The following STXBP5 variants were observed in gnomAD, a reference collection of about 807,000 sequenced individuals.
STXBP5 encodes the protein syntaxin binding protein 5, also known as syntaxin-binding protein 5.
Under a neutral mutation model 152.4 loss-of-function variants are expected in STXBP5, and 50 were observed. The observed-to-expected ratio is 0.33, with a 90% confidence interval of 0.26 to 0.42. The LOEUF is 0.42. STXBP5 is among the 10% of genes least tolerant of loss of function. The probability of loss-of-function intolerance (pLI) is 1.00; values close to 1 mark genes in which losing one functional copy is unlikely to be tolerated. For synonymous variants in STXBP5, 492 were observed against 494.7 expected, an observed-to-expected ratio of 0.99 and a Z score of 0.07; for missense variants, 1,167 against 1,388.6, an observed-to-expected ratio of 0.84 and a Z score of 2.54.
chr6:147,244,311 T>C (rs1295407643), intron 4 of STXBP5, among the ~76,000 whole-genome samples: 1 of 152,198 alleles, frequency 6.6e-6, no homozygotes, highest in Non-Finnish European at 1.5e-5. Flanking sequence ...TGTAGTTTTG[T>C]AGCAAGTTGA....
intron 16 of STXBP5, among the ~76,000 whole-genome samples, chr6:147,318,132 A>G (rs572826860): frequency 4.3e-4 from 66 of 152,310 alleles, no homozygotes; most frequent in South Asian, 2.3e-3. Context: ...ATCCAGCAGT[A>G]TAAAACATTA....
intron 8 of STXBP5, among the ~76,000 whole-genome samples, chr6:147,281,220 C>G (rs1438193903): frequency 1.3e-5 from 2 of 152,094 alleles, no homozygotes; most frequent in Non-Finnish European, 2.9e-5. Flanking sequence ...CCATGCCCGG[C>G]TAATTTTTTG....
chr6:147,241,381 A>G (rs978746133), intron 4 of STXBP5, among the ~76,000 whole-genome samples: 1 of 152,218 alleles, frequency 6.6e-6, no homozygotes, highest in East Asian at 1.9e-4. Context: ...TCATGTATCT[A>G]CCATTACAGT....
intron 21 of STXBP5, among the ~76,000 whole-genome samples, chr6:147,342,444 G>A (rs1368128460): frequency 6.6e-6 from 1 of 152,158 alleles, no homozygotes; most frequent in Non-Finnish European, 1.5e-5. Flanking sequence ...AATAGTTTTA[G>A]TCTTGTGAGT....
chr6:147,291,258 C>A, intron 9 of STXBP5, 86 bp downstream of exon 9: 2 of 1,097,664 alleles, frequency 1.8e-6, no homozygotes. Context: ...TTTTGAAGGC[C>A]TATTTTAGAA....
chr6:147,220,214 A>G (rs1427207723), intron 2 of STXBP5, among the ~76,000 whole-genome samples: 1 of 151,962 alleles, frequency 6.6e-6, no homozygotes, highest in Non-Finnish European at 1.5e-5. Flanking sequence ...TTTCTAGTTT[A>G]CTTCCATTAT....
rs1785152081 is a variant in STXBP5, at chr6:147,363,397, T to C, written c.2608T>C (p.Leu870=). Residue 870 remains leucine (L), a synonymous_variant, in exon 24 of 28, where the codon TTA becomes CTA. Transcript: ENST00000321680. ...RMAFLDTTGC[L]IPPAYEPWRE... Reference sequence around the variant, plus strand: ...GGCATTTCTGGATACCACAGGCTGCTTAATACCACCTGCGTATGAACCCTG... The same window carrying C: ...GGCATTTCTGGATACCACAGGCTGCCTAATACCACCTGCGTATGAACCCTG... The C allele has an allele frequency of 6.2e-7, 1 of 1,613,858 alleles. No individual in the cohort carries two copies.
chr6:147,307,841 G>A (rs1332711079), intron 9 of STXBP5, among the ~76,000 whole-genome samples: 2 of 152,078 alleles, frequency 1.3e-5, no homozygotes, highest in Non-Finnish European at 2.9e-5. Flanking sequence ...ACAAAGCCAC[G>A]GAAGAAAAAC....
chr6:147,311,490 G>A lies in STXBP5; in HGVS notation c.1108G>A (p.Glu370Lys). The A allele has an allele frequency of 6.2e-7, 1 of 1,612,150 alleles. No homozygotes were observed. Among genetic ancestry groups the A allele is most frequent in the Non-Finnish European group, 8.5e-7 (1 of 1,179,110 alleles). ...QEPYAVVVLL[E>K]KDLVLIDLAQ... ...ACCATATGCTGTGGTTGTTCTTCTA[G>A]AAAAGGATTTAGTACTTATAGACCT... Residue 370 changes from glutamate (E) to lysine (K), a missense_variant, in exon 11 of 28, where the codon GAA (glutamate) becomes AAA (lysine). Around this residue, in one of 3 missense-constraint regions of STXBP5, gnomAD observed 833 missense variants for 986.3 expected, o/e 0.84. Transcript: ENST00000321680.
rs1786409000 is a variant in STXBP5 at position 147,387,750 on chromosome 6, A to AC, written c.*2995_*2996insC. The AC allele has an allele frequency of 1.3e-5, 2 of 151,778 alleles. No individual in the cohort carries two copies. The highest frequency in any genetic ancestry group is 3.0e-5 in the Non-Finnish European group (2 of 67,776). The allele number at this position is 151,778 out of a possible 1,614,324, so 9.4% of individuals were successfully genotyped here. ...ATGTTATTATGTGTAAGTATATTAC[A>AC]ATTTAATTAAGTACAATAGTTTAAA... is the stretch of plus-strand genomic sequence containing the variant. On this transcript the variant is annotated 3_prime_UTR_variant, in exon 28 of 28. Transcript: ENST00000321680.
At position 147,339,510 on chromosome 6, in the gene STXBP5, T is replaced by C. The variant is rs1044285204; in HGVS notation, c.2254+126T>C. 8.8e-6 allele frequency: 6 copies of C among 681,996 alleles called. No individual in the cohort carries two copies. In the African/African-American group the frequency reaches 1.1e-4, roughly 13 times the overall value. 42.2% of individuals were successfully genotyped at this position (681,996 alleles called of 1,614,324 possible). On this transcript the variant is annotated intron_variant, in intron 21 of 27. Transcript: ENST00000321680. ...TTGTTCCTATGCTAAAAAAATAATCTCTTGGGCTGTGTCTCTTCTAAACTC... is the reference window on the plus strand; with the variant it reads ...TTGTTCCTATGCTAAAAAAATAATCCCTTGGGCTGTGTCTCTTCTAAACTC...
At chr6:147,373,106 C>T (rs1443195326) in intron 25 of STXBP5, among the ~76,000 whole-genome samples, 2 of 152,074 alleles carry the variant, frequency 1.3e-5, no homozygotes, top group Non-Finnish European at 2.9e-5. Context: ...CATGGTGGCT[C>T]ATGCCTGTAC....
At chr6:147,366,248 C>T (rs1385193724) in intron 25 of STXBP5, among the ~76,000 whole-genome samples, 5 of 152,170 alleles carry the variant, frequency 3.3e-5, no homozygotes, top group Admixed American at 1.3e-4. Context: ...ACTAAGCTTT[C>T]AGAGCAGAAA....
intron 4 of STXBP5, among the ~76,000 whole-genome samples, chr6:147,251,473 C>T (rs761735078): frequency 1.3e-5 from 2 of 152,148 alleles, no homozygotes; most frequent in Non-Finnish European, 2.9e-5. Context: ...GGGCTGAAGC[C>T]AGGGAGCCAA....
chr6:147,299,940 G>T (rs1781722507), intron 9 of STXBP5, among the ~76,000 whole-genome samples: 1 of 151,984 alleles, frequency 6.6e-6, no homozygotes, highest in Non-Finnish European at 1.5e-5. Flanking sequence ...CTGAAAAACT[G>T]TTAAGACTAA....
At chr6:147,369,690 A>G (rs981915545) in intron 25 of STXBP5, among the ~76,000 whole-genome samples, 1 of 152,028 alleles carries the variant, frequency 6.6e-6, no homozygotes, top group African/African-American at 2.4e-5. Flanking sequence ...GATTCTCAAC[A>G]TTATTTATCA....
intron 6 of STXBP5, 61 bp from the exon 7 acceptor site, chr6:147,267,023 C>A: frequency 2.9e-6 from 4 of 1,356,256 alleles, no homozygotes; most frequent in Non-Finnish European, 4.2e-6. Context: ...TCATTGTCAG[C>A]AAATAAATGT....
intron 16 of STXBP5, among the ~76,000 whole-genome samples, chr6:147,320,748 A>AT (rs1782896084): frequency 6.6e-6 from 1 of 152,118 alleles, no homozygotes. Flanking sequence ...TTAAGTATTG[A>AT]TTTTTAAAAC....
chr6:147,280,739 A>G lies in STXBP5; in HGVS notation c.838+2535A>G, dbSNP rs73584537. 4.1e-3 allele frequency among the ~76,000 whole-genome samples: 622 copies of G among 152,272 alleles called. 4 individuals carry two copies. The highest frequency in any genetic ancestry group is 0.014 in the African/African-American group (593 of 41,562). On this transcript the variant is annotated intron_variant, in intron 8 of 27. Transcript: ENST00000321680. ...GTATAAATCAGTTTCTACAGTGTTT[A>G]TATTGTCTTAGCAGAAAAGGGTCAC...
Sources: gnomAD v4.1 joint callset for allele counts (sites outside exome capture counted in the v4.1 genomes callset) on GRCh38, gnomAD v4.1.1 for gene constraint, gnomAD v4.1.1 regional missense constraint, MANE v1.5 for transcripts, NCBI Gene and HGNC (gene_info 2026-07-23, HGNC 2026-07-21) for gene names.